The following SUGCT variants were observed in gnomAD, a reference collection of about 807,000 sequenced individuals.
SUGCT encodes succinyl-CoA:glutarate CoA-transferase.
In SUGCT, 41 loss-of-function variants were observed where a neutral mutation model predicts 55.0. That is an observed-to-expected ratio of 0.74 (90% confidence interval 0.58 to 0.97). The LOEUF (loss-of-function observed/expected upper bound fraction) is 0.97. SUGCT is among the 50% of genes least tolerant of loss of function. SUGCT has a pLI of 0.00. For missense variants in SUGCT, 568 were observed against 547.8 expected, an observed-to-expected ratio of 1.04 and a Z score of -0.37; for synonymous variants, 187 against 200.4, an observed-to-expected ratio of 0.93 and a Z score of 0.56.
At chr7:40,201,541 C>G (rs1054754536) in intron 6 of SUGCT, among the ~76,000 whole-genome samples, 1 of 152,154 alleles carries the variant, frequency 6.6e-6, no homozygotes, top group Non-Finnish European at 1.5e-5. Flanking sequence ...ATCTGTCCAA[C>G]TGTATAGACA....
intron 6 of SUGCT, among the ~76,000 whole-genome samples, chr7:40,236,104 C>CTGCA (rs1207172836): frequency 6.6e-6 from 1 of 152,076 alleles, no homozygotes; most frequent in Non-Finnish European, 1.5e-5. Flanking sequence ...GTTGCCCAGG[C>CTGCA]TGCAGTGCGG....
At chr7:40,919,082 T>C in the SUGCT span, among the ~76,000 whole-genome samples, 3 of 152,194 alleles carry the variant, frequency 2.0e-5, no homozygotes, top group African/African-American at 7.2e-5. Context: ...GTTTTATCTT[T>C]CCTCTCTACT....
chr7:40,148,536 C>G (rs1788385031), intron 1 of SUGCT, among the ~76,000 whole-genome samples: 1 of 152,144 alleles, frequency 6.6e-6, no homozygotes. Context: ...CCCAGCTACT[C>G]AGGCAGCTGA....
At chr7:40,146,100 C>CTT (rs58024497) in intron 1 of SUGCT, among the ~76,000 whole-genome samples, 1 of 141,624 alleles carries the variant, frequency 7.1e-6, no homozygotes, top group Admixed American at 7.1e-5. Context: ...ACCTTTTTTG[C>CTT]TTTTTTTTTT....
chr7:40,645,713 C>T (rs1271151899), intron 12 of SUGCT, among the ~76,000 whole-genome samples: 2 of 152,084 alleles, frequency 1.3e-5, no homozygotes, highest in African/African-American at 4.8e-5. Flanking sequence ...ATATCAGTCT[C>T]GATATCAAAC....
intron 9 of SUGCT, among the ~76,000 whole-genome samples, chr7:40,377,211 TTC>T (rs1784632175): frequency 1.2e-4 from 2 of 16,802 alleles, no homozygotes; most frequent in Non-Finnish European, 4.7e-4. Context: ...TTCTTTTCTT[TTC>T]TTTCTTTTCT....
the SUGCT span, among the ~76,000 whole-genome samples, chr7:40,971,118 G>T: frequency 6.6e-6 from 1 of 152,142 alleles, no homozygotes; most frequent in Non-Finnish European, 1.5e-5. Flanking sequence ...CTGCTTGGCT[G>T]CCGGGGATGC....
intron 11 of SUGCT, among the ~76,000 whole-genome samples, chr7:40,474,826 A>G (rs1030402735): frequency 6.6e-6 from 1 of 152,158 alleles, no homozygotes; most frequent in Non-Finnish European, 1.5e-5. Context: ...TCATCTATAA[A>G]TTGGGGATAA....
Position 40,219,367 on chromosome 7 carries a change from T to C in SUGCT, c.485-18268T>C, listed in dbSNP as rs561056261. Among the ~76,000 whole-genome samples, 8 of 152,284 alleles carry C rather than the reference T, an allele frequency of 5.3e-5. No individual in the cohort carries two copies. The South Asian group carries it at 1.7e-3, about 32-fold the overall frequency. ...ACACATTTAAATACAAATTAGTAAG[T>C]AGAATAAAGGGAGTGAAAGCAAGAG... is the stretch of plus-strand genomic sequence containing the variant. On this transcript the variant is annotated intron_variant, in intron 6 of 13. Transcript: ENST00000335693.
At chr7:40,790,490 A>C (rs1247447602) in intron 13 of SUGCT, among the ~76,000 whole-genome samples, 1 of 152,206 alleles carries the variant, frequency 6.6e-6, no homozygotes, top group Non-Finnish European at 1.5e-5. Flanking sequence ...CTAAGTACTT[A>C]GTGAGCCATG....
intron 12 of SUGCT, among the ~76,000 whole-genome samples, chr7:40,518,856 A>G (rs943480422): frequency 6.6e-6 from 1 of 152,104 alleles, no homozygotes; most frequent in Non-Finnish European, 1.5e-5. Context: ...ATGACAATAA[A>G]TAGACCAGAA....
intron 12 of SUGCT, among the ~76,000 whole-genome samples, chr7:40,501,152 T>C (rs551418499): frequency 9.8e-5 from 15 of 152,306 alleles, no homozygotes; most frequent in African/African-American, 3.6e-4. Context: ...GGCAAGGAGA[T>C]AAAAACATAA....
At chr7:40,799,856 G>A (rs1790722591) in intron 13 of SUGCT, among the ~76,000 whole-genome samples, 1 of 152,180 alleles carries the variant, frequency 6.6e-6, no homozygotes, top group South Asian at 2.1e-4. Context: ...TACCTACAGT[G>A]AAAAAGTCAT....
intron 9 of SUGCT, among the ~76,000 whole-genome samples, chr7:40,366,445 A>C (rs1783972188): frequency 6.6e-6 from 1 of 152,042 alleles, no homozygotes; most frequent in Admixed American, 6.5e-5. Flanking sequence ...GCTTCTGCAC[A>C]GCAAAAGAAA....
chr7:40,733,986 GT>G (rs1406604882), intron 12 of SUGCT, among the ~76,000 whole-genome samples: 2 of 152,148 alleles, frequency 1.3e-5, no homozygotes, highest in African/African-American at 4.8e-5. Context: ...TTAATGTTTT[GT>G]TACAACCTTC....
intron 12 of SUGCT, among the ~76,000 whole-genome samples, chr7:40,507,503 C>T (rs572588430): frequency 1.3e-5 from 2 of 152,242 alleles, no homozygotes; most frequent in African/African-American, 4.8e-5. Flanking sequence ...ACCCCCCTAC[C>T]CCTGCTACCC....
Position 40,237,701 on chromosome 7 carries a change from G to C in SUGCT, c.551G>C (p.Gly184Ala). The change falls in exon 7 of 14, where the codon GGT (glycine) becomes GCT (alanine). Residue 184 changes from glycine (G) to alanine (A), a missense_variant. By Grantham distance (60) the Gly-to-Ala change is moderately conservative. Coordinates refer to ENST00000335693, the MANE Select transcript of SUGCT (RefSeq NM_001193313.2). ...GYDAVASAVS[G>A]LMHITGPENG... ...GATGCTGTTGCCTCGGCTGTTTCTG[G>C]TCTGATGCACATCACAGGGCCTGAG... is the stretch of plus-strand genomic sequence containing the variant. 6.2e-7 allele frequency: 1 copy of C among 1,613,838 alleles called. No homozygotes were observed. The highest frequency in any genetic ancestry group is 8.5e-7 in the Non-Finnish European group (1 of 1,179,820).
At chr7:40,912,594 A>T in the SUGCT span, among the ~76,000 whole-genome samples, 2 of 152,156 alleles carry the variant, frequency 1.3e-5, no homozygotes, top group African/African-American at 2.4e-5. Flanking sequence ...TCATTAACTT[A>T]TCCTGTGTAT....
At chr7:41,007,151 T>G in the SUGCT span, among the ~76,000 whole-genome samples, 1 of 152,140 alleles carries the variant, frequency 6.6e-6, no homozygotes, top group Admixed American at 6.5e-5. Flanking sequence ...TAAAAATATA[T>G]TTTATTTCCA....
Sources: allele counts gnomAD v4.1 joint callset (sites outside exome capture counted in the v4.1 genomes callset), GRCh38; gene constraint gnomAD v4.1.1; transcripts MANE v1.5; gene names NCBI Gene and HGNC (gene_info 2026-07-23, HGNC 2026-07-21).